Variants in CLCNKB observed in about 807,000 individuals in gnomAD.
CLCNKB encodes the protein chloride voltage-gated channel Kb, also known as chloride channel protein ClC-Kb.
A neutral mutation model predicts 83.8 loss-of-function variants in CLCNKB; 74 were observed. The ratio of observed to expected loss-of-function variants is 0.88; its 90% confidence interval spans 0.73 to 1.07. The LOEUF is 1.07. Ranked by LOEUF, CLCNKB falls within the 50% of genes least tolerant of loss-of-function variation. The pLI, the probability that CLCNKB is intolerant of heterozygous loss-of-function variation, is 0.00. For missense variants in CLCNKB, 798 were observed against 893.6 expected (o/e 0.89, Z 1.36); for synonymous variants, 358 against 356.6 (o/e 1.00, Z -0.04).
At chr1:16,056,549 G>C (rs375479626) in intron 19 of CLCNKB, 41 bp downstream of exon 19, 1 of 868,138 alleles carries the variant, frequency 1.2e-6, no homozygotes, top group African/African-American at 1.8e-5. Context: ...GGGAACCTAT[G>C]CCTGAGAAGA....
intron 16 of CLCNKB, 70 bp from the exon 17 acceptor site, chr1:16,055,365 G>A: frequency 8.2e-7 from 1 of 1,216,352 alleles, no homozygotes; most frequent in East Asian, 2.3e-5. Context: ...TGGCTAAGTA[G>A]GTGCTAAGTA....
chr1:16,051,609 T>C, intron 13 of CLCNKB, 62 bp downstream of exon 13: 1 of 1,607,870 alleles, frequency 6.2e-7, no homozygotes, highest in Non-Finnish European at 8.5e-7. Flanking sequence ...CCATGGCTCC[T>C]GGTTCACCCT....
At position 16,046,551 on chromosome 1, in the gene CLCNKB, C is replaced by T; in HGVS notation, c.246C>T (p.Tyr82=). Residue 82 remains tyrosine (Y), a synonymous_variant, in exon 4 of 20, where the codon TAC becomes TAT. Transcript: ENST00000375679. The stretch of plus-strand genomic sequence containing the variant: ...TGTCCCCAGCGCACCAGTGGCTGTA[C>T]AGGGAGATTGGGGACAGCCACCTGC... ...ESVVRAHQWL[Y]REIGDSHLLR... The T allele has an allele frequency of 6.2e-7, 1 of 1,614,072 alleles. No individual in the cohort carries two copies.
At chr1:16,056,315 C>A (rs2023437285) in intron 18 of CLCNKB, 107 bp from the exon 19 acceptor site, 1 of 1,133,682 alleles carries the variant, frequency 8.8e-7, no homozygotes, top group Non-Finnish European at 1.3e-6. Flanking sequence ...GTCTCCCACA[C>A]ACATCAGGCC....
chr1:16,055,254 C>T (rs1490162865), intron 16 of CLCNKB, among the ~76,000 whole-genome samples, 181 bp from the exon 17 acceptor site: 1 of 152,168 alleles, frequency 6.6e-6, no homozygotes, highest in African/African-American at 2.4e-5. Flanking sequence ...TGACCTTGGG[C>T]AAGACAATTA....
chr1:16,056,347 A>C, intron 18 of CLCNKB, 75 bp from the exon 19 acceptor site: 1 of 1,436,350 alleles, frequency 7.0e-7, no homozygotes, highest in Non-Finnish European at 9.8e-7. Flanking sequence ...CCTGGCTCAG[A>C]GGCGTGGTGG....
chr1:16,052,074 A>T, intron 14 of CLCNKB, 124 bp from the exon 15 acceptor site: 3 of 1,280,964 alleles, frequency 2.3e-6, no homozygotes, highest in Non-Finnish European at 3.3e-6. Flanking sequence ...GGCACTTCCC[A>T]CAGTGCCCAG....
intron 18 of CLCNKB, among the ~76,000 whole-genome samples, chr1:16,056,031 G>A (rs950782889): frequency 1.1e-4 from 17 of 152,218 alleles, no homozygotes; most frequent in African/African-American, 3.9e-4. Flanking sequence ...AGACAGTGGA[G>A]TTGCACCAAG....
chr1:16,053,229 C>T (rs1237991851), intron 15 of CLCNKB, among the ~76,000 whole-genome samples: 2 of 152,104 alleles, frequency 1.3e-5, no homozygotes, highest in Admixed American at 1.3e-4. Flanking sequence ...GGTTTCACCA[C>T]GTCAGCCAGG....
intron 17 of CLCNKB, 75 bp from the exon 18 acceptor site, chr1:16,055,600 C>A: frequency 6.3e-7 from 1 of 1,590,694 alleles, no homozygotes; most frequent in Non-Finnish European, 8.6e-7. Flanking sequence ...CCGCTGATAT[C>A]CTGAGGGAGA....
Position 16,055,748 on chromosome 1 carries a change from C to A in CLCNKB, c.1919C>A (p.Ser640Tyr), listed in dbSNP as rs375375144. ...ACCCTGAAGCTGTCCCCAGAGACTT[C>A]CCTGCATGAGGTAACGGGGAGAACT... ...PVTLKLSPET[S>Y]LHEAHNLFEL... The change falls in exon 18 of 20, where the codon TCC (serine) becomes TAC (tyrosine). Residue 640 changes from serine (S) to tyrosine (Y), a missense_variant. Ser to Tyr is a moderately radical substitution (Grantham distance 144, BLOSUM62 -2). Transcript: ENST00000375679. The A allele has an allele frequency of 1.9e-6, 3 of 1,613,704 alleles. No homozygotes were observed. Among genetic ancestry groups the A allele is most frequent in the Non-Finnish European group, 2.5e-6 (3 of 1,179,958 alleles).
At chr1:16,051,103 TG>T (rs60943704) in intron 12 of CLCNKB, 55 bp downstream of exon 12, 3 of 1,611,598 alleles carry the variant, frequency 1.9e-6, no homozygotes, top group East Asian at 2.2e-5. Flanking sequence ...CTGGTGGTGG[TG>T]GGGGGTACCT....
At position 16,046,675 on chromosome 1, in the gene CLCNKB, G is replaced by C. The variant is rs1466543169; in HGVS notation, c.358+12G>C. 5 of 1,610,368 alleles carry C rather than the reference G, an allele frequency of 3.1e-6. No homozygotes were observed. The highest frequency in any genetic ancestry group is 3.4e-5 in the Admixed American group (2 of 59,212). ...ACCCTCCTCTGGAGGTGAGTCCACAGTCGCTACGCCAGTCCCCACTGGCCA... is the reference window on the plus strand; with the variant it reads ...ACCCTCCTCTGGAGGTGAGTCCACACTCGCTACGCCAGTCCCCACTGGCCA... On this transcript the variant is annotated intron_variant, in intron 4 of 19. Coordinates refer to ENST00000375679, the MANE Select transcript of CLCNKB (RefSeq NM_000085.5).
rs2023313194 is a variant in CLCNKB at position 16,052,138 on chromosome 1, T to C, written c.1409-60T>C. 3.1e-6 allele frequency: 5 copies of C among 1,603,608 alleles called. No individual in the cohort carries two copies. In the African/African-American group the frequency reaches 5.4e-5, roughly 17 times the overall value. ...GCCCCTGGTCGCAGCCGTGCCAGCC[T>C]TGCCCTAACATGAGGCTGGCCCCTG... On this transcript the variant is annotated intron_variant, in intron 14 of 19. Transcript: ENST00000375679.
chr1:16,049,989 A>G (rs2023236284), intron 10 of CLCNKB, 73 bp downstream of exon 10: 2 of 1,064,090 alleles, frequency 1.9e-6, no homozygotes, highest in Non-Finnish European at 2.7e-6. Context: ...CTTATGTAGA[A>G]AGCTCTACCC....
rs374545641 is a variant in CLCNKB at position 16,052,240 on chromosome 1, C to T, written c.1451C>T (p.Thr484Met). 1.5e-5 allele frequency: 25 copies of T among 1,613,296 alleles called. No homozygotes were observed. The African/African-American group carries it at 1.7e-4, about 11-fold the overall frequency. Residue 484 changes from threonine to methionine, a missense_variant, in exon 15 of 20, where the codon ACG (threonine) becomes ATG (methionine). Thr to Met is a moderately conservative substitution (Grantham distance 81). Transcript: ENST00000375679. ...GGGGCTGTGACCCACACCATCTCCA[C>T]GGCGCTGCTGGCCTTCGAGGTGACC... ...FSGAVTHTIS[T>M]ALLAFEVTGQ...
At chr1:16,045,947 C>T (rs1169323839) in intron 3 of CLCNKB, among the ~76,000 whole-genome samples, 1 of 152,228 alleles carries the variant, frequency 6.6e-6, no homozygotes, top group Non-Finnish European at 1.5e-5. Flanking sequence ...TCTGCCTCCT[C>T]TTCCAGCCAC....
intron 4 of CLCNKB, 41 bp from the exon 5 acceptor site, chr1:16,047,864 T>C (rs2023144893): frequency 6.2e-7 from 1 of 1,608,816 alleles, no homozygotes; most frequent in East Asian, 2.2e-5. Flanking sequence ...ATTTTTAACC[T>C]AGAGATTGTC....
chr1:16,056,737 A>G, intron 19 of CLCNKB, 132 bp from the exon 20 acceptor site: 1 of 960,854 alleles, frequency 1.0e-6, no homozygotes, highest in South Asian at 1.4e-5. Context: ...CAGTGATCCC[A>G]TCTGTGCAAT....
Sources: allele counts gnomAD v4.1 joint callset (sites outside exome capture counted in the v4.1 genomes callset), GRCh38; gene constraint gnomAD v4.1.1; transcripts MANE v1.5; gene names NCBI Gene and HGNC (gene_info 2026-07-23, HGNC 2026-07-21).